AJUBA: variants seen among roughly 807,000 people sequenced by gnomAD.
The protein encoded by AJUBA is ajuba LIM protein.
AJUBA carries 20 observed loss-of-function variants against 53.3 expected under a neutral mutation model. The observed-to-expected ratio is 0.38, with a 90% CI of 0.26 to 0.55. AJUBA has a LOEUF of 0.55. Among genes scored for constraint, AJUBA ranks in the 20% least tolerant of loss-of-function variants. AJUBA has a pLI of 0.80. For synonymous variants in AJUBA, 296 were observed against 306.2 expected, an observed-to-expected ratio of 0.97 and a Z score of 0.35; for missense variants, 580 against 730.5, an observed-to-expected ratio of 0.79 and a Z score of 2.38.
At chr14:22,974,787 C>A in intron 6 of AJUBA, 52 bp downstream of exon 6, 2 of 1,576,068 alleles carry the variant, frequency 1.3e-6, no homozygotes, top group Non-Finnish European at 1.7e-6. Flanking sequence ...CCTATCCCCT[C>A]CCCAAAGGCA....
chr14:22,979,246 C>T lies in AJUBA; in HGVS notation c.1007-801G>A. ...ACTTGCCTTTCCTGGGTGTGTTCTT[C>T]CCTCCCTCCACTCCCCAATTCCAGG... On this transcript the variant is annotated intron_variant, in intron 1 of 7. Coordinates refer to ENST00000262713, the MANE Select transcript of AJUBA (RefSeq NM_032876.6). The surrounding 1 kb of genome is among the most constrained non-coding windows in gnomAD (Gnocchi z 4.0). The T allele has an allele frequency of 5.9e-6, 4 of 673,068 alleles. No individual in the cohort carries two copies. Among genetic ancestry groups the T allele is most frequent in the Non-Finnish European group, 5.5e-6 (3 of 544,854 alleles). The allele number at this position is 673,068 out of a possible 1,614,324, so 41.7% of individuals were successfully genotyped here.
rs1566653577 is a variant in AJUBA, at chr14:22,971,370, C to A, written c.*2073G>T. Reference sequence around the variant, plus strand: ...ACTCAGAGATCTCTTTTATGTATTTCCCAGGTTGGCTGGCATAGTCACCTT... The same window carrying A: ...ACTCAGAGATCTCTTTTATGTATTTACCAGGTTGGCTGGCATAGTCACCTT... On this transcript the variant is annotated 3_prime_UTR_variant, in exon 8 of 8. Coordinates refer to ENST00000262713, the MANE Select transcript of AJUBA (RefSeq NM_032876.6). The A allele has an allele frequency of 6.6e-6, 1 of 152,150 alleles. No homozygotes were observed. Among genetic ancestry groups the A allele is most frequent in the Non-Finnish European group, 1.5e-5 (1 of 68,020 alleles). The allele number at this position is 152,150 out of a possible 1,614,324, so 9.4% of individuals were successfully genotyped here.
At chr14:22,974,724 C>T in intron 6 of AJUBA, 115 bp downstream of exon 6, 10 of 1,231,680 alleles carry the variant, frequency 8.1e-6, no homozygotes, top group Non-Finnish European at 1.1e-5. Flanking sequence ...GGAATCTTCA[C>T]AGAGTACATT....
intron 2 of AJUBA, 95 bp downstream of exon 2, chr14:22,978,249 G>C (rs1470233834): frequency 1.7e-6 from 2 of 1,206,244 alleles, no homozygotes; most frequent in Non-Finnish European, 2.4e-6. Context: ...GTGAGCAAAT[G>C]AAGAGGCACA....
In AJUBA at chr14:22,979,074, C is replaced by T. The variant is rs1035945559; in HGVS notation, c.1007-629G>A. ...GGCTGCTGAGAATGCAGGGTGTGTT[C>T]CAGGAACCAGGGTTGAACAGGAAAG... On this transcript the variant is annotated intron_variant, in intron 1 of 7. Coordinates refer to ENST00000262713, the MANE Select transcript of AJUBA (RefSeq NM_032876.6). This position sits in a 1 kb window ranked among gnomAD's most constrained non-coding sequence, Gnocchi z 4.0. 3 of 1,287,554 alleles carry T rather than the reference C, an allele frequency of 2.3e-6. No homozygotes were observed. The highest frequency in any genetic ancestry group is 1.5e-5 in the African/African-American group (1 of 65,786). 79.8% of individuals were successfully genotyped at this position (1,287,554 alleles called of 1,614,324 possible). A position where few individuals can be genotyped will look rare whatever the true frequency, so the allele number is the denominator to read the frequency against.
chr14:22,981,627 A>C lies in AJUBA; in HGVS notation c.640T>G (p.Leu214Val). The C allele has an allele frequency of 6.5e-7, 1 of 1,527,902 alleles. No individual in the cohort carries two copies. 94.6% of individuals were successfully genotyped at this position (1,527,902 alleles called of 1,614,324 possible). Residue 214 changes from leucine to valine, a missense_variant, in exon 1 of 8, where the codon TTG becomes GTG. This residue lies in a region of AJUBA where 430 missense variants were observed against 471.5 expected (regional missense o/e 0.91). Transcript: ENST00000262713. ...YPELHAALDR[L>V]YAQRPAGFGC... ...AACCCCGCGGGCCGCTGAGCGTACA[A>C]TCGGTCCAGGGCGGCGTGGAGCTCC...
chr14:22,975,935 G>A (rs2139349653), intron 4 of AJUBA: 1 of 153,048 alleles, frequency 6.5e-6, no homozygotes, highest in Middle Eastern at 3.5e-3. Flanking sequence ...GGCTGAGGCA[G>A]GAGGATCACT....
chr14:22,981,356 A>G lies in AJUBA; in HGVS notation c.911T>C (p.Ile304Thr), dbSNP rs777305200. Residue 304 changes from isoleucine to threonine, a missense_variant, in exon 1 of 8, where the codon ATT becomes ACT. Physicochemically the swap from Ile to Thr is moderately conservative, Grantham distance 89. Transcript: ENST00000262713. Reference protein sequence around the residue: ...EAGARGEPSGIEPSGLEEPPG... With the variant: ...EAGARGEPSGTEPSGLEEPPG... ...TGGCTCCTCCAGACCCGACGGCTCA[A>G]TCCCCGAGGGTTCTCCGCGGGCTCC... 9 of 1,613,342 alleles carry G rather than the reference A, an allele frequency of 5.6e-6. No homozygotes were observed. The highest frequency in any genetic ancestry group is 2.2e-5 in the South Asian group (2 of 91,080).
intron 4 of AJUBA, 145 bp from the exon 5 acceptor site, chr14:22,975,249 C>A (rs1347725751): frequency 1.7e-6 from 2 of 1,185,046 alleles, no homozygotes; most frequent in Non-Finnish European, 2.3e-6. Context: ...GTGAAGAAGT[C>A]GTAAAATGGA....
At position 22,981,919 on chromosome 14, in the gene AJUBA, C is replaced by A; in HGVS notation, c.348G>T (p.Pro116=). 1 of 1,557,324 alleles carries A rather than the reference C, an allele frequency of 6.4e-7. No individual in the cohort carries two copies. Among genetic ancestry groups the A allele is most frequent in the Admixed American group, 1.9e-5 (1 of 51,342 alleles). The part of the protein sequence containing the change: ...PPDFRLEPTA[P]ALSPRSSFAS... Reference sequence around the variant, plus strand: ...CGAAGCTAGAGCGGGGGCTGAGGGCCGGGGCCGTGGGCTCCAGCCGAAAAT... The same window carrying A: ...CGAAGCTAGAGCGGGGGCTGAGGGCAGGGGCCGTGGGCTCCAGCCGAAAAT... Residue 116 remains proline, a synonymous_variant, in exon 1 of 8, where the codon CCG becomes CCT. Coordinates refer to ENST00000262713, the MANE Select transcript of AJUBA (RefSeq NM_032876.6).
At chr14:22,975,134 C>A in intron 4 of AJUBA, 30 bp from the exon 5 acceptor site, 2 of 1,599,428 alleles carry the variant, frequency 1.3e-6, no homozygotes, top group African/African-American at 1.3e-5. Context: ...GAGAATCAGT[C>A]TCCCTCCAGT....
chr14:22,971,493 T>C lies in AJUBA; in HGVS notation c.*1950A>G, dbSNP rs1458594749. The C allele has an allele frequency of 6.6e-6, 1 of 152,216 alleles. No individual in the cohort carries two copies. The highest frequency in any genetic ancestry group is 1.9e-4 in the East Asian group (1 of 5,206). The allele number at this position is 152,216 out of a possible 1,614,324, so 9.4% of individuals were successfully genotyped here. Reference sequence around the variant, plus strand: ...GAAAATGAAGACTAAAGATCAAAGATTACTAAATTAATTTGCCTAAAACCA... The same window carrying C: ...GAAAATGAAGACTAAAGATCAAAGACTACTAAATTAATTTGCCTAAAACCA... On this transcript the variant is annotated 3_prime_UTR_variant, in exon 8 of 8. Coordinates refer to ENST00000262713, the MANE Select transcript of AJUBA (RefSeq NM_032876.6).
Position 22,973,387 on chromosome 14 carries a change from G to T in AJUBA, c.*56C>A, listed in dbSNP as rs764630322. The stretch of plus-strand genomic sequence containing the variant: ...CTTTGCCTTGGCTGGCCTCAGAGGG[G>T]CCCACTGGCCACAGCAGTTTGTCTG... On this transcript the variant is annotated 3_prime_UTR_variant, in exon 8 of 8. Coordinates refer to ENST00000262713, the MANE Select transcript of AJUBA (RefSeq NM_032876.6). 19 of 1,563,856 alleles carry T rather than the reference G, an allele frequency of 1.2e-5. No individual in the cohort carries two copies. Among genetic ancestry groups the T allele is most frequent in the Non-Finnish European group, 1.6e-5 (19 of 1,153,938 alleles).
chr14:22,980,530 C>T, intron 1 of AJUBA: 14 of 935,362 alleles, frequency 1.5e-5, no homozygotes, highest in Non-Finnish European at 1.8e-5. Context: ...ATGACTTTTA[C>T]CCTGACTTCC....
chr14:22,978,768 C>T, intron 1 of AJUBA: 1 of 1,201,992 alleles, frequency 8.3e-7, no homozygotes, highest in South Asian at 1.6e-5. Flanking sequence ...GGAGAAAAGA[C>T]TACACAGGCA....
chr14:22,972,531 G>C lies in AJUBA; in HGVS notation c.*912C>G, dbSNP rs1474649926. The stretch of plus-strand genomic sequence containing the variant: ...CATTACCTCCCCCAGCCAAGGAGAA[G>C]AGCAACCACGTACAATCACCTACCT... On this transcript the variant is annotated 3_prime_UTR_variant, in exon 8 of 8. Coordinates refer to ENST00000262713, the MANE Select transcript of AJUBA (RefSeq NM_032876.6). 1 of 152,496 alleles carries C rather than the reference G, an allele frequency of 6.6e-6. No individual in the cohort carries two copies. The highest frequency in any genetic ancestry group is 1.5e-5 in the Non-Finnish European group (1 of 68,038). The allele number at this position is 152,496 out of a possible 1,614,324, so 9.4% of individuals were successfully genotyped here. A position where few individuals can be genotyped will look rare whatever the true frequency, so the allele number is the denominator to read the frequency against.
At chr14:22,973,621 G>C in intron 7 of AJUBA, 53 bp from the exon 8 acceptor site, 1 of 1,606,262 alleles carries the variant, frequency 6.2e-7, no homozygotes, top group Non-Finnish European at 8.5e-7. Flanking sequence ...GGACACTGAG[G>C]GTATCTTAGG....
chr14:22,980,577 C>T (rs2045077295), intron 1 of AJUBA: 3 of 985,076 alleles, frequency 3.0e-6, no homozygotes, highest in Admixed American at 1.2e-4. Flanking sequence ...ACTACTGGGT[C>T]TCTGATTAAA....
intron 2 of AJUBA, chr14:22,976,973 C>A: frequency 7.4e-7 from 1 of 1,357,242 alleles, no homozygotes; most frequent in Non-Finnish European, 9.5e-7. Context: ...TAGGGCCCCT[C>A]CCCTAAACAA....
Sources: allele counts gnomAD v4.1 joint callset, GRCh38; gene constraint gnomAD v4.1.1; regional missense constraint gnomAD v4.1.1; non-coding constraint Gnocchi (gnomAD v3.1); transcripts MANE v1.5; gene names NCBI Gene and HGNC (gene_info 2026-07-23, HGNC 2026-07-21).